The following MXD4 variants were observed in gnomAD, a reference collection of about 807,000 sequenced individuals.
MXD4 encodes MAX dimerization protein 4.
Under a neutral mutation model 24.5 loss-of-function variants are expected in MXD4, and 16 were observed. The ratio of observed to expected loss-of-function variants is 0.65; its 90% CI spans 0.44 to 0.99. The LOEUF (loss-of-function observed/expected upper bound fraction) is 0.99, where lower values mean the gene tolerates loss of function less well. Ranked by LOEUF, MXD4 falls within the 50% of genes least tolerant of loss-of-function variation. The probability of loss-of-function intolerance (pLI) is 0.00; values close to 1 mark genes in which losing one functional copy is unlikely to be tolerated. For missense variants in MXD4, 301 were observed against 301.5 expected, an observed-to-expected ratio of 1.00 and a Z score of 0.01; for synonymous variants, 164 against 134.2, an observed-to-expected ratio of 1.22 and a Z score of -1.54.
intron 2 of MXD4, chr4:2,258,975 C>T (rs764813640): frequency 9.0e-5 from 41 of 455,584 alleles, no homozygotes; most frequent in Non-Finnish European, 1.6e-4. Flanking sequence ...GCAGGGGGAC[C>T]TCGCTCCCAG....
intron 2 of MXD4, among the ~76,000 whole-genome samples, chr4:2,259,413 C>G (rs1735494392): frequency 6.6e-6 from 1 of 152,260 alleles, no homozygotes; most frequent in Non-Finnish European, 1.5e-5. Flanking sequence ...CAGCCATATG[C>G]TCCTCACTGG....
At chr4:2,261,691 CG>C (rs1258550670) in intron 2 of MXD4, 33 bp downstream of exon 2, 3 of 1,208,796 alleles carry the variant, frequency 2.5e-6, no homozygotes, top group Non-Finnish European at 2.1e-6. Context: ...GGGTTCGGAC[CG>C]GGCCGGGCGG....
At chr4:2,260,502 G>A (rs1735518168) in intron 2 of MXD4, 1 of 454,616 alleles carries the variant, frequency 2.2e-6, no homozygotes, top group East Asian at 7.0e-5. Flanking sequence ...ACGCCCCAGA[G>A]TTCTCCACGG....
rs1735347656 is a variant in MXD4, at chr4:2,252,609, C to T, written c.195-87G>A. 8 of 834,580 alleles carry T rather than the reference C, an allele frequency of 9.6e-6. No individual in the cohort carries two copies. The South Asian group carries it at 1.3e-4, about 13-fold the overall frequency. 51.7% of individuals were successfully genotyped at this position (834,580 alleles called of 1,614,324 possible). On this transcript the variant is annotated intron_variant, in intron 3 of 5. Transcript: ENST00000337190. The stretch of plus-strand genomic sequence containing the variant: ...GGGCCCTGCACAGACCCACCCCCAC[C>T]ATCCACTGCTGCACATGTGCTGAGG...
intron 3 of MXD4, among the ~76,000 whole-genome samples, chr4:2,256,509 T>C (rs1223847359): frequency 1.3e-5 from 2 of 152,190 alleles, no homozygotes; most frequent in African/African-American, 2.4e-5. Context: ...CAAGAGCAGC[T>C]GGCATCAGGT....
chr4:2,257,217 G>A (rs1222885847), intron 3 of MXD4, among the ~76,000 whole-genome samples: 3 of 152,158 alleles, frequency 2.0e-5, no homozygotes, highest in African/African-American at 7.2e-5. Context: ...GACTGTGGGG[G>A]GCTCAAGCAG....
intron 2 of MXD4, chr4:2,258,903 C>T (rs529854514): frequency 5.5e-5 from 25 of 456,104 alleles, no homozygotes; most frequent in African/African-American, 4.0e-4. Context: ...CCCATTCAGA[C>T]GCGGGCACAC....
chr4:2,254,572 CAA>C (rs1457379634), intron 3 of MXD4: 1 of 152,024 alleles, frequency 6.6e-6, no homozygotes, highest in African/African-American at 2.4e-5. Flanking sequence ...AGCTGAGAGA[CAA>C]AGAACAAGTA....
intron 2 of MXD4, chr4:2,260,625 G>A (rs1382547744): frequency 8.8e-6 from 4 of 454,644 alleles, no homozygotes; most frequent in East Asian, 7.0e-5. Context: ...ACTGTCCCCA[G>A]TAGGGGACCA....
chr4:2,250,393 G>A lies in MXD4; in HGVS notation c.*151C>T, dbSNP rs539805722. On this transcript the variant is annotated 3_prime_UTR_variant, in exon 6 of 6. Transcript: ENST00000337190. ...CAGCTCGGCAGGCCCTGACCGGCAA[G>A]CGGGCAGTGCCAGGCAGCCCAGCAG... is the stretch of plus-strand genomic sequence containing the variant. 5.0e-4 allele frequency: 532 copies of A among 1,071,968 alleles called. 6 individuals are homozygous for A. In the South Asian group the frequency reaches 8.3e-3, roughly 17 times the overall value. 66.4% of individuals were successfully genotyped at this position (1,071,968 alleles called of 1,614,324 possible). A position where few individuals can be genotyped will look rare whatever the true frequency, so the allele number is the denominator to read the frequency against.
intron 3 of MXD4, chr4:2,253,731 G>A (rs1735368293): frequency 6.6e-6 from 1 of 152,320 alleles, no homozygotes; most frequent in Non-Finnish European, 1.5e-5. Context: ...CAGAGGAGGA[G>A]CCTGAAGAAG....
chr4:2,261,545 G>A (rs1188018265), intron 2 of MXD4, among the ~76,000 whole-genome samples, 180 bp downstream of exon 2: 12 of 148,126 alleles, frequency 8.1e-5, no homozygotes, highest in Non-Finnish European at 1.7e-4. Context: ...CGGCGAGGGC[G>A]GGGCCGGCCG....
At chr4:2,251,871 T>C (rs1735330749) in intron 4 of MXD4, among the ~76,000 whole-genome samples, 1 of 152,170 alleles carries the variant, frequency 6.6e-6, no homozygotes, top group South Asian at 2.1e-4. Flanking sequence ...TTGGTCCAAA[T>C]GTCACAAGGC....
At position 2,261,823 on chromosome 4, in the gene MXD4, C is replaced by T; in HGVS notation, c.66G>A (p.Glu22=). The T allele has an allele frequency of 7.2e-7, 1 of 1,382,234 alleles. No individual in the cohort carries two copies. The highest frequency in any genetic ancestry group is 9.4e-7 in the Non-Finnish European group (1 of 1,063,420). 85.6% of individuals were successfully genotyped at this position (1,382,234 alleles called of 1,614,324 possible). The change falls in exon 2 of 6, where the codon GAG becomes GAA. Residue 22 remains glutamate, a splice_region_variant and synonymous_variant. Coordinates refer to ENST00000337190, the MANE Select transcript of MXD4 (RefSeq NM_006454.3). ...GCACCGAGGCGTAGCCGTGCTCGGC[C>T]TCTGCGGACACACGGCGCGGTCAGC... ...AAEYLERRDR[E]AEHGYASVLP... is the part of the protein sequence containing the mutation.
At chr4:2,256,121 G>A (rs1735423542) in intron 3 of MXD4, among the ~76,000 whole-genome samples, 1 of 152,220 alleles carries the variant, frequency 6.6e-6, no homozygotes, top group Non-Finnish European at 1.5e-5. Flanking sequence ...TTTGGGATGG[G>A]TCCTGCCATT....
intron 3 of MXD4, among the ~76,000 whole-genome samples, chr4:2,256,526 T>C (rs1180369677): frequency 1.3e-5 from 2 of 152,156 alleles, no homozygotes; most frequent in African/African-American, 4.8e-5. Context: ...AGGTAGGCTG[T>C]GATCCAGGGC....
In MXD4 at chr4:2,257,771, TG is replaced by T. The variant is rs575156520; in HGVS notation, c.194+210del. Among the ~76,000 whole-genome samples, 336 of 152,282 alleles carry T rather than the reference TG, an allele frequency of 2.2e-3. 4 individuals are homozygous for T. Among genetic ancestry groups the T allele is most frequent in the African/African-American group, 7.7e-3 (318 of 41,558 alleles). ...TGGATGAGCTCTGGAAAGCAGGGCC[TG>T]GGCCTCCTGCCATCTCCTGCCTCTA... is the stretch of plus-strand genomic sequence containing the variant. On this transcript the variant is annotated intron_variant, in intron 3 of 5. Coordinates refer to ENST00000337190, the MANE Select transcript of MXD4 (RefSeq NM_006454.3).
chr4:2,255,975 A>G (rs916008006), intron 3 of MXD4, among the ~76,000 whole-genome samples: 6 of 152,142 alleles, frequency 3.9e-5, no homozygotes, highest in Non-Finnish European at 8.8e-5. Context: ...TTGCCAACAG[A>G]ACTTCCCGAG....
chr4:2,250,577 G>A lies in MXD4; in HGVS notation c.597C>T (p.His199=). The A allele has an allele frequency of 6.2e-7, 1 of 1,607,038 alleles. No individual in the cohort carries two copies. Among genetic ancestry groups the A allele is most frequent in the South Asian group, 1.1e-5 (1 of 90,344 alleles). The change falls in exon 6 of 6, where the codon CAC becomes CAT. Residue 199 remains histidine, a synonymous_variant. Transcript: ENST00000337190. ...GGGCGGGGCGGCCCAGCCGCCGGCAGTGGGGCCCGAAGCCACTGTCGCCGC... is the reference window on the plus strand; with the variant it reads ...GGGCGGGGCGGCCCAGCCGCCGGCAATGGGGCCCGAAGCCACTGTCGCCGC... ...GTGGDSGFGP[H]CRRLGRPALS is the part of the protein sequence containing the mutation.
Sources: allele counts gnomAD v4.1 joint callset (sites outside exome capture counted in the v4.1 genomes callset), GRCh38; gene constraint gnomAD v4.1.1; transcripts MANE v1.5; gene names NCBI Gene and HGNC (gene_info 2026-07-23, HGNC 2026-07-21).